The following CETP variants were observed in gnomAD, a reference collection of about 807,000 sequenced individuals.
The protein encoded by CETP is cholesteryl ester transfer protein, also known as BPI fold containing family F.
In CETP, 56 loss-of-function variants were observed where a neutral mutation model predicts 66.5. The observed-to-expected ratio is 0.84, with a 90% CI of 0.68 to 1.05. The LOEUF is 1.05. Among genes scored for constraint, CETP ranks in the 50% least tolerant of loss-of-function variants. The pLI is 0.00. For synonymous variants in CETP, 251 were observed against 245.7 expected (o/e 1.02, Z -0.20); for missense variants, 612 against 609.6 (o/e 1.00, Z -0.04).
Position 56,973,394 on chromosome 16 carries a change from C to A in CETP, c.814C>A (p.Leu272Met). ...LPLPTFSPTL[L>M]GDSRMLYFWF... is the part of the protein sequence containing the mutation. The stretch of plus-strand genomic sequence containing the variant: ...CCTCCCCACCTTCTCGCCCACACTG[C>A]TGGGGGACTCCCGCATGCTGTACTT... Residue 272 changes from leucine (L) to methionine (M), a missense_variant, in exon 9 of 16, where the codon CTG becomes ATG. By Grantham distance (15) the Leu-to-Met change is conservative (BLOSUM62 2). Transcript: ENST00000200676. 1 of 1,614,182 alleles carries A rather than the reference C, an allele frequency of 6.2e-7. No individual in the cohort carries two copies. The highest frequency in any genetic ancestry group is 8.5e-7 in the Non-Finnish European group (1 of 1,180,014).
chr16:56,983,317 CT>C lies in CETP; in HGVS notation c.1322-8del. On this transcript the variant is annotated splice_polypyrimidine_tract_variant and splice_region_variant and intron_variant, in intron 14 of 15. Transcript: ENST00000200676. ...GAAGGGCTGACTGGGGCTCTGTCCC[CT>C]GCCCCAGGGCTCGAGGTAGTGTTTA... 1 of 1,613,632 alleles carries C rather than the reference CT, an allele frequency of 6.2e-7. No individual in the cohort carries two copies. The highest frequency in any genetic ancestry group is 8.5e-7 in the Non-Finnish European group (1 of 1,179,510).
intron 2 of CETP, 120 bp downstream of exon 2, chr16:56,963,244 T>G (rs1038674260): frequency 1.4e-5 from 11 of 776,922 alleles, no homozygotes; most frequent in Non-Finnish European, 2.2e-5. Flanking sequence ...TCTCTCCCCT[T>G]GATTTGGAAC....
chr16:56,966,428 C>T (rs1026595656), intron 2 of CETP, among the ~76,000 whole-genome samples: 2 of 152,156 alleles, frequency 1.3e-5, no homozygotes, highest in African/African-American at 4.8e-5. Context: ...AGCTCAAGAA[C>T]TTGAAAGGGC....
At chr16:56,974,312 G>A (rs1015619368) in intron 9 of CETP, among the ~76,000 whole-genome samples, 10 of 152,194 alleles carry the variant, frequency 6.6e-5, no homozygotes, top group Non-Finnish European at 1.5e-4. Flanking sequence ...AGCTGTGCAC[G>A]GCGGTGCATA....
chr16:56,974,226 G>T (rs755821620), intron 9 of CETP, among the ~76,000 whole-genome samples: 1 of 152,200 alleles, frequency 6.6e-6, no homozygotes, highest in Non-Finnish European at 1.5e-5. Flanking sequence ...GTCCCTGGAG[G>T]CCAGGAGTTC....
At position 56,971,049 on chromosome 16, in the gene CETP, C is replaced by T. The variant is rs142750310; in HGVS notation, c.544C>T (p.Gln182Ter). Residue 182 changes from glutamine to a stop codon, truncating the protein, a stop_gained, in exon 6 of 16, where the codon CAG (glutamine) becomes TAG (stop). Coordinates refer to ENST00000200676, the MANE Select transcript of CETP (RefSeq NM_000078.3). LOFTEE classifies it high-confidence loss of function. ...QGEREPGWIK[Q>*]LFTNFISFTL... ...TGCCTTCAGGCCTGGGTGGATCAAG[C>T]AGCTGTTCACAAATTTCATCTCCTT... 70 of 1,614,130 alleles carry T rather than the reference C, an allele frequency of 4.3e-5. No individual in the cohort carries two copies. The Middle Eastern group carries it at 6.6e-4, about 15-fold the overall frequency.
rs2056205970 is a variant in CETP at position 56,983,840 on chromosome 16, C to A, written c.*174C>A. ...GCCCACTGGCATTAAAGTGCTGTAT[C>A]CAAGAGCTGCGGAGTCCTTCTTCTG... is the stretch of plus-strand genomic sequence containing the variant. On this transcript the variant is annotated 3_prime_UTR_variant, in exon 16 of 16. Transcript: ENST00000200676. 1.4e-6 allele frequency: 1 copy of A among 691,126 alleles called. No individual in the cohort carries two copies. Among genetic ancestry groups the A allele is most frequent in the Admixed American group, 2.0e-5 (1 of 49,014 alleles). The allele number at this position is 691,126 out of a possible 1,614,324, so 42.8% of individuals were successfully genotyped here.
rs113846146 is a variant in CETP at position 56,971,160 on chromosome 16, C to G, written c.597+58C>G. The G allele has an allele frequency of 6.5e-5, 102 of 1,573,680 alleles. No individual in the cohort carries two copies. The Middle Eastern group carries it at 1.9e-3, about 29-fold the overall frequency. ...GGGCCATGCCCAGGAGGCTGGATCC[C>G]TTTCCTCCCTGCCTTTCCCTGAGAA... On this transcript the variant is annotated intron_variant, in intron 6 of 15. Transcript: ENST00000200676.
chr16:56,972,205 C>T (rs2056116683), intron 8 of CETP, 122 bp downstream of exon 8: 1 of 713,500 alleles, frequency 1.4e-6, no homozygotes, highest in Non-Finnish European at 2.4e-6. Flanking sequence ...CTGGGGCGCT[C>T]CTCCTCATTC....
In CETP at chr16:56,981,662, T is replaced by A. The variant is rs377469867; in HGVS notation, c.1230T>A (p.Thr410=). 2.0e-4 allele frequency: 330 copies of A among 1,613,882 alleles called. No individual in the cohort carries two copies. The highest frequency in any genetic ancestry group is 2.7e-4 in the Non-Finnish European group (319 of 1,179,858). The part of the protein sequence containing the change: ...SLLDFQITPK[T]VSNLTESSSE... Reference sequence around the variant, plus strand: ...TTTATTTCAGGATTACACCAAAGACTGTTTCCAACTTGACTGAGGTAGGTA... The same window carrying A: ...TTTATTTCAGGATTACACCAAAGACAGTTTCCAACTTGACTGAGGTAGGTA... The change falls in exon 13 of 16, where the codon ACT becomes ACA. Residue 410 remains threonine, a synonymous_variant. Transcript: ENST00000200676.
chr16:56,970,751 G>A (rs967385770), intron 5 of CETP, among the ~76,000 whole-genome samples: 8 of 152,194 alleles, frequency 5.3e-5, no homozygotes, highest in Non-Finnish European at 8.8e-5. Flanking sequence ...TGGAGCAGAC[G>A]GATACATGTA....
At position 56,981,652 on chromosome 16, in the gene CETP, C is replaced by G. The variant is rs757530691; in HGVS notation, c.1220C>G (p.Thr407Arg). 6.2e-7 allele frequency: 1 copy of G among 1,613,824 alleles called. No individual in the cohort carries two copies. Among genetic ancestry groups the G allele is most frequent in the Non-Finnish European group, 8.5e-7 (1 of 1,179,802 alleles). ...TCATCGCTTTTTTATTTCAGGATTA[C>G]ACCAAAGACTGTTTCCAACTTGACT... ...LFLSLLDFQI[T>R]PKTVSNLTES... The change falls in exon 13 of 16, where the codon ACA (threonine) becomes AGA (arginine). Residue 407 changes from threonine (T) to arginine (R), a missense_variant. Coordinates refer to ENST00000200676, the MANE Select transcript of CETP (RefSeq NM_000078.3).
chr16:56,961,961 A>C lies in CETP; in HGVS notation c.-19A>C. 1 of 1,604,908 alleles carries C rather than the reference A, an allele frequency of 6.2e-7. No individual in the cohort carries two copies. The highest frequency in any genetic ancestry group is 1.3e-5 in the African/African-American group (1 of 74,812). On this transcript the variant is annotated 5_prime_UTR_variant, in exon 1 of 16. Coordinates refer to ENST00000200676, the MANE Select transcript of CETP (RefSeq NM_000078.3). ...AGGCTGAACGGCTCGGGCCACTTACACACCACTGCCTGATAACCATGCTGG... is the reference window on the plus strand; with the variant it reads ...AGGCTGAACGGCTCGGGCCACTTACCCACCACTGCCTGATAACCATGCTGG...
rs2141996666 is a variant in CETP at position 56,969,248 on chromosome 16, T to C, written c.234-138T>C. ...GGTTTGACATGTTGGGTAACATATT[T>C]GCAGGTTCTGTGGATTAGGAGGACA... On this transcript the variant is annotated intron_variant, in intron 2 of 15. Transcript: ENST00000200676. 4.6e-6 allele frequency: 5 copies of C among 1,083,264 alleles called. No homozygotes were observed. In the South Asian group the frequency reaches 5.0e-5, roughly 11 times the overall value. The allele number at this position is 1,083,264 out of a possible 1,614,324, so 67.1% of individuals were successfully genotyped here.
intron 6 of CETP, 93 bp from the exon 7 acceptor site, chr16:56,971,228 G>C: frequency 6.6e-7 from 1 of 1,523,988 alleles, no homozygotes; most frequent in East Asian, 2.2e-5. Context: ...CCCCTGTGCC[G>C]GTCCCCAGCA....
chr16:56,981,746 G>A (rs1239034429), intron 13 of CETP, 66 bp downstream of exon 13: 2 of 1,538,864 alleles, frequency 1.3e-6, no homozygotes, highest in Non-Finnish European at 1.8e-6. Flanking sequence ...AAGAAAGCAG[G>A]CGGAGGGCCC....
At chr16:56,970,630 C>T (rs191192085) in intron 5 of CETP, among the ~76,000 whole-genome samples, 1 of 152,350 alleles carries the variant, frequency 6.6e-6, no homozygotes, top group East Asian at 1.9e-4. Flanking sequence ...AGGAAGATAA[C>T]AAGGTTTGGA....
rs7192120 is a variant in CETP at position 56,981,172 on chromosome 16, C to G, written c.1161C>G (p.Thr387=). 5,478 of 1,613,314 alleles carry G rather than the reference C, an allele frequency of 3.4e-3. 174 individuals are homozygous for G. In the African/African-American group the frequency reaches 0.063, roughly 19 times the overall value. The stretch of plus-strand genomic sequence containing the variant: ...TCTCTCCCCAGGATATCGTGACTAC[C>G]GTCCAGGCCTCCTATTCTAAGAAAA... The part of the protein sequence containing the change: ...AYTFEEDIVT[T]VQASYSKKKL... The change falls in exon 12 of 16, where the codon ACC becomes ACG. Residue 387 remains threonine (T), a synonymous_variant. Coordinates refer to ENST00000200676, the MANE Select transcript of CETP (RefSeq NM_000078.3).
intron 4 of CETP, 84 bp from the exon 5 acceptor site, chr16:56,969,830 C>T (rs1332620739): frequency 5.2e-6 from 8 of 1,552,686 alleles, no homozygotes; most frequent in African/African-American, 2.7e-5. Flanking sequence ...CCAGAGCTGG[C>T]CAAGCTCTTG....
Sources: gnomAD v4.1 joint callset for allele counts (sites outside exome capture counted in the v4.1 genomes callset) on GRCh38, gnomAD v4.1.1 for gene constraint, MANE v1.5 for transcripts, NCBI Gene and HGNC (gene_info 2026-07-23, HGNC 2026-07-21) for gene names.